Variants in LRP11 observed in about 807,000 individuals in gnomAD.
LRP11 encodes the protein LDL receptor related protein 11, also known as low-density lipoprotein receptor-related protein 11.
Under a neutral mutation model 43.1 loss-of-function variants are expected in LRP11, and 25 were observed. The ratio of observed to expected loss-of-function variants is 0.58; its 90% CI spans 0.42 to 0.81. LRP11 has a LOEUF of 0.81. Among genes scored for constraint, LRP11 ranks in the 30% least tolerant of loss-of-function variants. LRP11 has a pLI of 0.00. For synonymous variants in LRP11, 316 were observed against 299.4 expected, an observed-to-expected ratio of 1.06 and a Z score of -0.57; for missense variants, 623 against 665.1, an observed-to-expected ratio of 0.94 and a Z score of 0.70.
Position 149,855,711 on chromosome 6 carries a change from TTAA to T in LRP11, c.614-2554_614-2552del, listed in dbSNP as rs1331981753. Among the ~76,000 whole-genome samples, 780 of 138,992 alleles carry T rather than the reference TTAA, an allele frequency of 5.6e-3. 8 individuals are homozygous for T. The highest frequency in any genetic ancestry group is 0.023 in the African/African-American group (714 of 30,870). The allele number at this position is 138,992 out of a possible 152,430, so 91.2% of individuals were successfully genotyped here. A position where few individuals can be genotyped will look rare whatever the true frequency, so the allele number is the denominator to read the frequency against. On this transcript the variant is annotated intron_variant, in intron 1 of 6. Coordinates refer to ENST00000239367, the MANE Select transcript of LRP11 (RefSeq NM_032832.6). ...AGGGAAGATGCCTTTTTTTTTTTTT[TTAA>T]AAAAAAAACACATTATGAGGAATTA...
At chr6:149,854,473 ATACTT>A (rs1414775361) in intron 1 of LRP11, among the ~76,000 whole-genome samples, 4 of 152,220 alleles carry the variant, frequency 2.6e-5, no homozygotes, top group Non-Finnish European at 5.9e-5. Context: ...TTCAATATTA[ATACTT>A]TACTGACAGC....
At chr6:149,824,531 T>C (rs1388350713) in intron 6 of LRP11, among the ~76,000 whole-genome samples, 3 of 152,234 alleles carry the variant, frequency 2.0e-5, no homozygotes, top group Non-Finnish European at 4.4e-5. Context: ...TGATGAATTA[T>C]GTATTCTGTT....
At chr6:149,821,218 C>T (rs903401215) in intron 6 of LRP11, among the ~76,000 whole-genome samples, 3 of 152,096 alleles carry the variant, frequency 2.0e-5, no homozygotes, top group African/African-American at 4.8e-5. Flanking sequence ...CGTGAGCCAC[C>T]GTGCCCGGCC....
intron 5 of LRP11, among the ~76,000 whole-genome samples, chr6:149,829,758 G>A (rs1169922830): frequency 1.3e-5 from 2 of 151,820 alleles, no homozygotes; most frequent in Non-Finnish European, 2.9e-5. Flanking sequence ...GAAGATGAGA[G>A]CTTGCTCATC....
In LRP11 at chr6:149,826,193, A is replaced by T. The variant is rs773972020; in HGVS notation, c.1348+71T>A. On this transcript the variant is annotated intron_variant, in intron 6 of 6. Coordinates refer to ENST00000239367, the MANE Select transcript of LRP11 (RefSeq NM_032832.6). ...CTGAGCTCTCATGGCCTCAGGGAAT[A>T]TCCTCAGCCAGAGGGCATGCAGTTC... The T allele has an allele frequency of 8.7e-6, 10 of 1,153,464 alleles. No individual in the cohort carries two copies. The Admixed American group carries it at 1.7e-4, about 19-fold the overall frequency. The allele number at this position is 1,153,464 out of a possible 1,614,324, so 71.5% of individuals were successfully genotyped here. A position where few individuals can be genotyped will look rare whatever the true frequency, so the allele number is the denominator to read the frequency against.
intron 6 of LRP11, 33 bp from the exon 7 acceptor site, chr6:149,820,736 C>T: frequency 1.3e-6 from 1 of 777,842 alleles, no homozygotes; most frequent in South Asian, 1.3e-5. Flanking sequence ...GAGGGCAAGC[C>T]AGTGATTAGT....
intron 6 of LRP11, among the ~76,000 whole-genome samples, chr6:149,823,475 G>T (rs1018892984): frequency 1.3e-5 from 2 of 152,154 alleles, no homozygotes; most frequent in African/African-American, 4.8e-5. Flanking sequence ...CTTTAGTACT[G>T]GAGGGGAGGA....
rs1776575348 is a variant in LRP11, at chr6:149,843,092, G to A, written c.804C>T (p.His268=). 6 of 1,614,026 alleles carry A rather than the reference G, an allele frequency of 3.7e-6. No individual in the cohort carries two copies. The South Asian group carries it at 5.5e-5, about 15-fold the overall frequency. The part of the protein sequence containing the change: ...VPQSGTLKLS[H]LQEGTYTFQL... ...GGAAGGTGTAGGTTCCCTCCTGTAGGTGGGACAGCTTCAGGGTTCCTGATT... is the reference window on the plus strand; with the variant it reads ...GGAAGGTGTAGGTTCCCTCCTGTAGATGGGACAGCTTCAGGGTTCCTGATT... The change falls in exon 3 of 7, where the codon CAC becomes CAT. Residue 268 remains histidine, a synonymous_variant. Transcript: ENST00000239367.
At position 149,836,069 on chromosome 6, in the gene LRP11, CACCGTGAATCCTT is replaced by C. The variant is rs1474175491; in HGVS notation, c.1252+3_1252+15del. 18 of 1,608,482 alleles carry C rather than the reference CACCGTGAATCCTT, an allele frequency of 1.1e-5. No homozygotes were observed. The highest frequency in any genetic ancestry group is 1.5e-5 in the Non-Finnish European group (18 of 1,175,098). ...AAAACAAGGTTCTTCATTGAGAACC[CACCGTGAATCCTT>C]ACCTGGCATCACAGGAATGATTTGA... On this transcript the variant is annotated splice_donor_5th_base_variant and intron_variant, in intron 5 of 6. Transcript: ENST00000239367.
chr6:149,833,649 C>T (rs2115381278), intron 5 of LRP11, among the ~76,000 whole-genome samples: 1 of 152,100 alleles, frequency 6.6e-6, no homozygotes, highest in South Asian at 2.1e-4. Context: ...TCTATATTTT[C>T]TACAGTAAAT....
chr6:149,864,320 C>G lies in LRP11; in HGVS notation c.-300G>C, dbSNP rs1777005692. On this transcript the variant is annotated 5_prime_UTR_variant, in exon 1 of 7. Coordinates refer to ENST00000239367, the MANE Select transcript of LRP11 (RefSeq NM_032832.6). ...TGCGGCGCGCTGGGTGGCGACGAGT[C>G]GGCCTCGGCGTTGATCAGCACCAGG... is the stretch of plus-strand genomic sequence containing the variant. 2.0e-6 allele frequency: 2 copies of G among 1,023,584 alleles called. No individual in the cohort carries two copies. Among genetic ancestry groups the G allele is most frequent in the Non-Finnish European group, 2.3e-6 (2 of 855,604 alleles). 63.4% of individuals were successfully genotyped at this position (1,023,584 alleles called of 1,614,324 possible).
rs780017760 is a variant in LRP11 at position 149,863,592 on chromosome 6, G to A, written c.429C>T (p.Ala143=). The A allele has an allele frequency of 7.7e-6, 11 of 1,427,010 alleles. No individual in the cohort carries two copies. In the South Asian group the frequency reaches 1.3e-4, roughly 17 times the overall value. The allele number at this position is 1,427,010 out of a possible 1,614,324, so 88.4% of individuals were successfully genotyped here. A position where few individuals can be genotyped will look rare whatever the true frequency, so the allele number is the denominator to read the frequency against. ...ACCSEPRCSV[A]VVELPRRPAP... is the part of the protein sequence containing the mutation. ...CGGGGCGCCGGGGCAGCTCCACCAC[G>A]GCCACGGAGCAGCGCGGCTCGGAGC... Residue 143 remains alanine (A), a synonymous_variant, in exon 1 of 7, where the codon GCC becomes GCT. Coordinates refer to ENST00000239367, the MANE Select transcript of LRP11 (RefSeq NM_032832.6).
intron 6 of LRP11, among the ~76,000 whole-genome samples, chr6:149,822,883 C>T (rs546666440): frequency 2.6e-5 from 4 of 152,194 alleles, no homozygotes; most frequent in South Asian, 4.2e-4. Flanking sequence ...TGCCTATCAG[C>T]GATCAGGTGG....
intron 5 of LRP11, among the ~76,000 whole-genome samples, chr6:149,833,799 A>G (rs1026858839): frequency 6.6e-6 from 1 of 152,226 alleles, no homozygotes; most frequent in Admixed American, 6.5e-5. Flanking sequence ...GAGAGATCAT[A>G]AATAGATTGG....
chr6:149,833,321 C>T (rs1476057869), intron 5 of LRP11, among the ~76,000 whole-genome samples: 1 of 152,156 alleles, frequency 6.6e-6, no homozygotes, highest in Non-Finnish European at 1.5e-5. Flanking sequence ...GTCTTAGGGA[C>T]AGCAGAGGGG....
chr6:149,835,908 C>T (rs1243872764), intron 5 of LRP11, among the ~76,000 whole-genome samples, 177 bp downstream of exon 5: 1 of 152,102 alleles, frequency 6.6e-6, no homozygotes, highest in African/African-American at 2.4e-5. Context: ...GTAAGTGTCC[C>T]TTACTACAAA....
intron 3 of LRP11, among the ~76,000 whole-genome samples, chr6:149,841,943 AAAGT>A (rs1291339764): frequency 6.6e-6 from 1 of 152,328 alleles, no homozygotes; most frequent in Non-Finnish European, 1.5e-5. Flanking sequence ...GATGTTTAGA[AAAGT>A]AAGAAACATA....
In LRP11 at chr6:149,858,676, C is replaced by T. The variant is rs558520120; in HGVS notation, c.613+4732G>A. Among the ~76,000 whole-genome samples, 4 of 152,212 alleles carry T rather than the reference C, an allele frequency of 2.6e-5. No individual in the cohort carries two copies. In the East Asian group the frequency reaches 5.8e-4, roughly 22 times the overall value. ...ATAATTTTACATCCTGAATTTAATC[C>T]ATCAACTTATTGGTATATTCCTGTT... is the stretch of plus-strand genomic sequence containing the variant. On this transcript the variant is annotated intron_variant, in intron 1 of 6. Coordinates refer to ENST00000239367, the MANE Select transcript of LRP11 (RefSeq NM_032832.6).
At chr6:149,824,260 T>C (rs558442750) in intron 6 of LRP11, among the ~76,000 whole-genome samples, 24 of 152,316 alleles carry the variant, frequency 1.6e-4, no homozygotes, top group African/African-American at 4.1e-4. Context: ...GGTTTAGCTA[T>C]GGTAACAATA....
Sources: gnomAD v4.1 joint callset for allele counts (sites outside exome capture counted in the v4.1 genomes callset) on GRCh38, gnomAD v4.1.1 for gene constraint, MANE v1.5 for transcripts, NCBI Gene and HGNC (gene_info 2026-07-23, HGNC 2026-07-21) for gene names.